LYPD6: variants seen among roughly 807,000 people sequenced by gnomAD.
The protein encoded by LYPD6 is LY6/PLAUR domain containing 6.
In LYPD6, 15 loss-of-function variants were observed where a neutral mutation model predicts 22.7. The ratio of observed to expected loss-of-function variants is 0.66; its 90% CI spans 0.44 to 1.02. The LOEUF (loss-of-function observed/expected upper bound fraction) is 1.02, where lower values mean the gene tolerates loss of function less well. Ranked by LOEUF, LYPD6 falls within the 50% of genes least tolerant of loss-of-function variation. The pLI is 0.00. For missense variants in LYPD6, 189 were observed against 208.4 expected, an observed-to-expected ratio of 0.91 and a Z score of 0.57; for synonymous variants, 72 against 77.5, an observed-to-expected ratio of 0.93 and a Z score of 0.37.
intron 3 of LYPD6, among the ~76,000 whole-genome samples, chr2:149,465,122 G>A (rs1359573446): frequency 6.6e-6 from 1 of 152,198 alleles, no homozygotes; most frequent in African/African-American, 2.4e-5. Flanking sequence ...GACAGAACAT[G>A]GGAGAATATC....
At chr2:149,417,007 C>G (rs569665593) in intron 1 of LYPD6, among the ~76,000 whole-genome samples, 18 of 152,270 alleles carry the variant, frequency 1.2e-4, no homozygotes, top group African/African-American at 4.1e-4. Flanking sequence ...TATGGACCAG[C>G]CAGTCCACAA....
intron 1 of LYPD6, among the ~76,000 whole-genome samples, chr2:149,407,521 G>A (rs1256655095): frequency 6.6e-6 from 1 of 151,952 alleles, no homozygotes; most frequent in Non-Finnish European, 1.5e-5. Flanking sequence ...CCAGTTGATC[G>A]CGTCGGCTCC....
intron 2 of LYPD6, among the ~76,000 whole-genome samples, chr2:149,448,061 A>C (rs1401546540): frequency 6.6e-6 from 1 of 152,232 alleles, no homozygotes; most frequent in Non-Finnish European, 1.5e-5. Context: ...TGGGAGGCCA[A>C]GGTGGGTGGA....
rs943967495 is a variant in LYPD6 at position 149,337,660 on chromosome 2, G to A, written c.-72+6938G>A. On this transcript the variant is annotated intron_variant, in intron 1 of 4. Coordinates refer to ENST00000334166, the MANE Select transcript of LYPD6 (RefSeq NM_194317.5). ...AAAAAAACTTATATTTTAGGTTCAGGGGTACATACACAGGTTTGTTAGATA... is the reference window on the plus strand; with the variant it reads ...AAAAAAACTTATATTTTAGGTTCAGAGGTACATACACAGGTTTGTTAGATA... Among the ~76,000 whole-genome samples the A allele has an allele frequency of 2.0e-5, 3 of 152,226 alleles. No homozygotes were observed. The South Asian group carries it at 6.2e-4, about 32-fold the overall frequency.
At chr2:149,330,494 CCGGCCGCGGCTGCGGGCGGCG>C (rs1309101211), upstream of LYPD6, 2 of 149,138 alleles carry the variant, frequency 1.3e-5, no homozygotes, top group African/African-American at 2.4e-5. Context: ...CGAGGCCGGG[CCGGCCGCGGCTGCGGGCGGCG>C]GCCAGTGCCC....
intron 1 of LYPD6, among the ~76,000 whole-genome samples, chr2:149,426,000 A>G (rs1283132832): frequency 6.6e-6 from 1 of 152,266 alleles, no homozygotes; most frequent in East Asian, 1.9e-4. Flanking sequence ...ATTTGTTTTT[A>G]AAACATTCAT....
Position 149,441,604 on chromosome 2 carries a change from G to A in LYPD6, c.118+3778G>A, listed in dbSNP as rs115823000. ...AACCTGAAGCACTGTCGTCAATAAT[G>A]TTCTTTTCTATAATCCTTGTGTCAT... On this transcript the variant is annotated intron_variant, in intron 2 of 4. Coordinates refer to ENST00000334166, the MANE Select transcript of LYPD6 (RefSeq NM_194317.5). 3.0e-3 allele frequency among the ~76,000 whole-genome samples: 457 copies of A among 152,282 alleles called. 2 individuals carry two copies. The highest frequency in any genetic ancestry group is 0.011 in the African/African-American group (442 of 41,556).
intron 3 of LYPD6, among the ~76,000 whole-genome samples, chr2:149,455,896 A>G (rs140897999): frequency 6.6e-6 from 1 of 152,330 alleles, no homozygotes; most frequent in African/African-American, 2.4e-5. Flanking sequence ...ATGTGGATGA[A>G]TATTTTTTAG....
At chr2:149,390,854 C>A (rs1230095991) in intron 1 of LYPD6, among the ~76,000 whole-genome samples, 2 of 152,174 alleles carry the variant, frequency 1.3e-5, no homozygotes, top group Non-Finnish European at 2.9e-5. Context: ...TGGAGAGATT[C>A]ATCAATAATA....
chr2:149,380,866 CA>C (rs1479473201), intron 1 of LYPD6, among the ~76,000 whole-genome samples: 2 of 151,982 alleles, frequency 1.3e-5, no homozygotes, highest in Non-Finnish European at 2.9e-5. Flanking sequence ...GTCTGGGACA[CA>C]GGGAAATAGC....
intron 1 of LYPD6, among the ~76,000 whole-genome samples, chr2:149,353,240 A>G (rs776806897): frequency 2.0e-5 from 3 of 152,204 alleles, no homozygotes; most frequent in Non-Finnish European, 2.9e-5. Flanking sequence ...ATTTTATTTT[A>G]AGTATAATTG....
intron 1 of LYPD6, among the ~76,000 whole-genome samples, chr2:149,343,298 T>C (rs1468970237): frequency 4.6e-5 from 7 of 152,112 alleles, no homozygotes; most frequent in Admixed American, 4.6e-4. Flanking sequence ...AAAGAACTTT[T>C]AATAAAGAAA....
chr2:149,348,021 G>T (rs571029220), intron 1 of LYPD6, among the ~76,000 whole-genome samples: 1 of 129,240 alleles, frequency 7.7e-6, no homozygotes, highest in South Asian at 2.5e-4. Context: ...TTCAAGACCA[G>T]TCTGGCCAAC....
chr2:149,472,526 T>C lies in LYPD6; in HGVS notation c.*1676T>C, dbSNP rs928811812. 1 of 152,634 alleles carries C rather than the reference T, an allele frequency of 6.6e-6. No individual in the cohort carries two copies. Among genetic ancestry groups the C allele is most frequent in the South Asian group, 2.1e-4 (1 of 4,828 alleles). The allele number at this position is 152,634 out of a possible 1,614,324, so 9.5% of individuals were successfully genotyped here. A position where few individuals can be genotyped will look rare whatever the true frequency, so the allele number is the denominator to read the frequency against. ...ACTCCCTCAGGGACTAAATATGAAC[T>C]GACAGCAGTAACTCTGATACAGAAT... On this transcript the variant is annotated 3_prime_UTR_variant, in exon 5 of 5. Coordinates refer to ENST00000334166, the MANE Select transcript of LYPD6 (RefSeq NM_194317.5).
At chr2:149,352,278 T>G (rs2105059922) in intron 1 of LYPD6, among the ~76,000 whole-genome samples, 1 of 152,324 alleles carries the variant, frequency 6.6e-6, no homozygotes, top group Non-Finnish European at 1.5e-5. Context: ...GGTGTTAGAC[T>G]TACTCTCTGG....
intron 1 of LYPD6, among the ~76,000 whole-genome samples, chr2:149,421,884 C>T (rs576102926): frequency 1.3e-5 from 2 of 152,160 alleles, no homozygotes; most frequent in African/African-American, 4.8e-5. Context: ...AGGTCTGCCC[C>T]AGACCTTCCC....
chr2:149,472,827 G>A lies in LYPD6; in HGVS notation c.*1977G>A, dbSNP rs181349441. On this transcript the variant is annotated 3_prime_UTR_variant, in exon 5 of 5. Coordinates refer to ENST00000334166, the MANE Select transcript of LYPD6 (RefSeq NM_194317.5). ...GTTTCCTTCAGATTTAGGTTATGTG[G>A]GATGATGTGGGATTGAAGAGGAAAG... The A allele has an allele frequency of 6.5e-6, 1 of 152,672 alleles. No homozygotes were observed. Among genetic ancestry groups the A allele is most frequent in the African/African-American group, 2.4e-5 (1 of 41,546 alleles). 9.5% of individuals were successfully genotyped at this position (152,672 alleles called of 1,614,324 possible).
chr2:149,463,728 T>C (rs1456894759), intron 3 of LYPD6, among the ~76,000 whole-genome samples: 2 of 152,150 alleles, frequency 1.3e-5, no homozygotes. Flanking sequence ...TCTTAAAAAT[T>C]AACAAACCCA....
intron 1 of LYPD6, among the ~76,000 whole-genome samples, chr2:149,417,454 G>A (rs1032786280): frequency 5.9e-5 from 9 of 152,270 alleles, no homozygotes; most frequent in East Asian, 1.9e-4. Context: ...AAAATTAAGC[G>A]TCTGAACTAA....
Sources: gnomAD v4.1 joint callset for allele counts (sites outside exome capture counted in the v4.1 genomes callset) on GRCh38, gnomAD v4.1.1 for gene constraint, MANE v1.5 for transcripts, NCBI Gene and HGNC (gene_info 2026-07-23, HGNC 2026-07-21) for gene names.